Variants in AHCTF1 observed in about 807,000 individuals in gnomAD.
The protein encoded by AHCTF1 is AT-hook containing transcription factor 1, also known as protein ELYS.
Under a neutral mutation model 248.4 loss-of-function variants are expected in AHCTF1, and 24 were observed. The ratio of observed to expected loss-of-function variants is 0.10; its 90% CI spans 0.07 to 0.14. AHCTF1 has a LOEUF of 0.14. Among genes scored for constraint, AHCTF1 ranks in the 10% least tolerant of loss-of-function variants. The probability of loss-of-function intolerance (pLI) is 1.00; values close to 1 mark genes in which losing one functional copy is unlikely to be tolerated. For synonymous variants in AHCTF1, 786 were observed against 929.8 expected (o/e 0.85, Z 2.81); for missense variants, 2,206 against 2,636.2 (o/e 0.84, Z 3.57).
In AHCTF1 at chr1:246,895,762, GAA is replaced by G. The variant is rs771819047; in HGVS notation, c.1714+71_1714+72del. 1.3e-5 allele frequency: 17 copies of G among 1,279,214 alleles called. No individual in the cohort carries two copies. In the African/African-American group the frequency reaches 2.1e-4, roughly 16 times the overall value. 79.2% of individuals were successfully genotyped at this position (1,279,214 alleles called of 1,614,324 possible). A position where few individuals can be genotyped will look rare whatever the true frequency, so the allele number is the denominator to read the frequency against. On this transcript the variant is annotated intron_variant, in intron 13 of 35. Transcript: ENST00000648844. Reference sequence around the variant, plus strand: ...ATTATATCAAAATTAAAATAACTAAGAAAAAAATATAACAAATAGCAAGTTGA... The same window carrying G: ...ATTATATCAAAATTAAAATAACTAAGAAAAATATAACAAATAGCAAGTTGA...
chr1:246,860,103 T>C (rs1205410666), intron 29 of AHCTF1, among the ~76,000 whole-genome samples: 1 of 151,402 alleles, frequency 6.6e-6, no homozygotes, highest in African/African-American at 2.4e-5. Flanking sequence ...CTACTAAAAA[T>C]ACAAAAATTA....
intron 1 of AHCTF1, among the ~76,000 whole-genome samples, chr1:246,927,040 T>C (rs1483597098): frequency 2.7e-5 from 4 of 146,518 alleles, no homozygotes; most frequent in Non-Finnish European, 6.0e-5. Flanking sequence ...TAGCAGGGCG[T>C]GGTGACGGGA....
intron 7 of AHCTF1, among the ~76,000 whole-genome samples, chr1:246,903,744 C>T (rs992317031): frequency 2.0e-5 from 3 of 148,518 alleles, no homozygotes; most frequent in African/African-American, 7.5e-5. Flanking sequence ...GAGGCTGAGG[C>T]AGAGAATTGC....
intron 6 of AHCTF1, 56 bp from the exon 7 acceptor site, chr1:246,904,089 T>A: frequency 6.9e-7 from 1 of 1,445,810 alleles, no homozygotes; most frequent in Non-Finnish European, 9.7e-7. Flanking sequence ...AAACATCTCT[T>A]ACTGTCCAAG....
intron 2 of AHCTF1, 48 bp from the exon 3 acceptor site, chr1:246,916,443 C>A: frequency 6.6e-7 from 1 of 1,517,738 alleles, no homozygotes; most frequent in Non-Finnish European, 9.0e-7. Context: ...ATACACAAAA[C>A]ATGCAATAAC....
rs572243785 is a variant in AHCTF1 at position 246,905,440 on chromosome 1, T to C, written c.881+101A>G. The C allele has an allele frequency of 2.4e-4, 210 of 879,074 alleles. No individual in the cohort carries two copies. The East Asian group carries it at 5.2e-3, about 22-fold the overall frequency. 54.5% of individuals were successfully genotyped at this position (879,074 alleles called of 1,614,324 possible). On this transcript the variant is annotated intron_variant, in intron 6 of 35. Coordinates refer to ENST00000648844, the MANE Select transcript of AHCTF1 (RefSeq NM_001323342.2). Reference sequence around the variant, plus strand: ...TGAATCCGGGAGGCGGAGGTTGCAGTGAGCCGAAATCACGCCACTGCACTC... The same window carrying C: ...TGAATCCGGGAGGCGGAGGTTGCAGCGAGCCGAAATCACGCCACTGCACTC...
At chr1:246,894,833 C>G in intron 13 of AHCTF1, 85 bp from the exon 14 acceptor site, 6 of 1,158,314 alleles carry the variant, frequency 5.2e-6, no homozygotes, top group Middle Eastern at 1.9e-4. Context: ...GCATGGCAGA[C>G]AGCACCCTAA....
At chr1:246,910,780 G>GGGA (rs930557775) in intron 4 of AHCTF1, among the ~76,000 whole-genome samples, 11 of 89,092 alleles carry the variant, frequency 1.2e-4, no homozygotes, top group African/African-American at 1.1e-3. Flanking sequence ...GTCTTTTTCA[G>GGGA]AGAAGAGATT....
chr1:246,915,095 G>C (rs558093643), intron 3 of AHCTF1, among the ~76,000 whole-genome samples: 1 of 152,322 alleles, frequency 6.6e-6, no homozygotes, highest in East Asian at 1.9e-4. Flanking sequence ...ACTTTGGGAG[G>C]CTAAGGCAGG....
intron 31 of AHCTF1, among the ~76,000 whole-genome samples, chr1:246,854,617 A>G (rs957890829): frequency 6.6e-6 from 1 of 152,232 alleles, no homozygotes; most frequent in African/African-American, 2.4e-5. Flanking sequence ...ATCATTTCTA[A>G]CAGCTAACAT....
chr1:246,887,439 T>C (rs1384839724), intron 19 of AHCTF1, 82 bp from the exon 20 acceptor site: 4 of 1,375,956 alleles, frequency 2.9e-6, no homozygotes, highest in East Asian at 4.7e-5. Context: ...AGCAACAAAA[T>C]GTAGCATTAA....
chr1:246,909,837 A>T (rs971411311), intron 4 of AHCTF1, among the ~76,000 whole-genome samples: 3 of 152,214 alleles, frequency 2.0e-5, no homozygotes, highest in African/African-American at 7.2e-5. Flanking sequence ...TAGGACGCTA[A>T]GCCACATCAT....
At chr1:246,910,103 C>A (rs2103203836) in intron 4 of AHCTF1, among the ~76,000 whole-genome samples, 1 of 152,284 alleles carries the variant, frequency 6.6e-6, no homozygotes, top group East Asian at 1.9e-4. Context: ...AACTACCTTG[C>A]CAAAATACTA....
At position 246,839,608 on chromosome 1, in the gene AHCTF1, C is replaced by A; in HGVS notation, c.*1198G>T. 2 of 981,510 alleles carry A rather than the reference C, an allele frequency of 2.0e-6. No individual in the cohort carries two copies. The highest frequency in any genetic ancestry group is 2.4e-6 in the Non-Finnish European group (2 of 826,004). The allele number at this position is 981,510 out of a possible 1,614,324, so 60.8% of individuals were successfully genotyped here. A position where few individuals can be genotyped will look rare whatever the true frequency, so the allele number is the denominator to read the frequency against. ...GGCATTTTCACCAATTTCTCATTAT[C>A]TGTATTATTTGGTAGAAAAATAAAT... On this transcript the variant is annotated 3_prime_UTR_variant, in exon 36 of 36. Transcript: ENST00000648844.
At chr1:246,870,563 G>A (rs1418133342) in intron 24 of AHCTF1, among the ~76,000 whole-genome samples, 1 of 152,098 alleles carries the variant, frequency 6.6e-6, no homozygotes, top group Non-Finnish European at 1.5e-5. Context: ...AAATGATAAA[G>A]TGTAAACAGA....
chr1:246,854,392 T>C (rs1315819467), intron 31 of AHCTF1, among the ~76,000 whole-genome samples: 1 of 150,976 alleles, frequency 6.6e-6, no homozygotes, highest in East Asian at 1.9e-4. Context: ...TAGAATGTAA[T>C]GTGCACAAGA....
At chr1:246,857,934 G>T in intron 29 of AHCTF1, 120 bp from the exon 30 acceptor site, 1 of 862,056 alleles carries the variant, frequency 1.2e-6, no homozygotes, top group South Asian at 1.9e-5. Flanking sequence ...TAGGTTTGCT[G>T]CTGTGTTATC....
intron 1 of AHCTF1, among the ~76,000 whole-genome samples, chr1:246,925,272 C>A (rs1204564525): frequency 6.6e-6 from 1 of 152,148 alleles, no homozygotes; most frequent in African/African-American, 2.4e-5. Context: ...CAATCAAAAT[C>A]ATCTCAATAC....
chr1:246,911,776 G>A (rs879513945), intron 4 of AHCTF1, among the ~76,000 whole-genome samples: 4 of 152,046 alleles, frequency 2.6e-5, no homozygotes, highest in South Asian at 2.1e-4. Flanking sequence ...GAGCCACGGC[G>A]CCCAGCTCTT....
Sources: gnomAD v4.1 joint callset for allele counts (sites outside exome capture counted in the v4.1 genomes callset) on GRCh38, gnomAD v4.1.1 for gene constraint, MANE v1.5 for transcripts, NCBI Gene and HGNC (gene_info 2026-07-23, HGNC 2026-07-21) for gene names.